ABTB2: variants seen among roughly 807,000 people sequenced by gnomAD.
ABTB2 encodes ankyrin repeat and BTB/POZ domain-containing protein 2.
Under a neutral mutation model 104.1 loss-of-function variants are expected in ABTB2, and 56 were observed. That is an observed-to-expected ratio of 0.54 (90% confidence interval 0.43 to 0.67). ABTB2 has a LOEUF of 0.67. Among genes scored for constraint, ABTB2 ranks in the 30% least tolerant of loss-of-function variants. ABTB2 has a pLI of 0.00. For missense variants in ABTB2, 1,279 were observed against 1,407.7 expected (o/e 0.91, Z 1.46); for synonymous variants, 606 against 608.2 (o/e 1.00, Z 0.05).
At chr11:34,268,865 A>T (rs1196950912) in intron 1 of ABTB2, among the ~76,000 whole-genome samples, 1 of 152,150 alleles carries the variant, frequency 6.6e-6, no homozygotes, top group African/African-American at 2.4e-5. Flanking sequence ...TCTTACTCTA[A>T]GGACACCAGG....
intron 1 of ABTB2, among the ~76,000 whole-genome samples, chr11:34,350,979 A>G (rs1394369454): frequency 6.6e-6 from 1 of 152,228 alleles, no homozygotes; most frequent in Non-Finnish European, 1.5e-5. Context: ...ACAGATGAGA[A>G]TAAGCTTGAG....
intron 1 of ABTB2, among the ~76,000 whole-genome samples, chr11:34,274,408 G>C (rs1449201618): frequency 6.6e-6 from 1 of 151,892 alleles, no homozygotes; most frequent in East Asian, 1.9e-4. Flanking sequence ...AAACCACCAG[G>C]CTGCACTCCA....
chr11:34,181,008 G>A (rs979990502), intron 3 of ABTB2, among the ~76,000 whole-genome samples: 2 of 152,170 alleles, frequency 1.3e-5, no homozygotes, highest in Non-Finnish European at 2.9e-5. Flanking sequence ...TGGTGCAAGC[G>A]ATTCTTCTGC....
chr11:34,189,311 A>T (rs1853143182), intron 3 of ABTB2: 1 of 152,176 alleles, frequency 6.6e-6, no homozygotes. Context: ...ATATATATAT[A>T]ATAAAAAATG....
At chr11:34,234,564 A>G (rs571059678) in intron 1 of ABTB2, among the ~76,000 whole-genome samples, 1 of 152,308 alleles carries the variant, frequency 6.6e-6, no homozygotes, top group African/African-American at 2.4e-5. Context: ...CCTGTGCCTC[A>G]AAGTCCAGCA....
At chr11:34,305,161 G>A (rs1854755920) in intron 1 of ABTB2, among the ~76,000 whole-genome samples, 1 of 152,222 alleles carries the variant, frequency 6.6e-6, no homozygotes, top group Admixed American at 6.5e-5. Flanking sequence ...ACTTGATCTA[G>A]AAGAGGCTCT....
At chr11:34,297,130 G>A (rs1854632193) in intron 1 of ABTB2, among the ~76,000 whole-genome samples, 1 of 152,122 alleles carries the variant, frequency 6.6e-6, no homozygotes, top group African/African-American at 2.4e-5. Flanking sequence ...TTTAGTCTTG[G>A]CACTTTCTGT....
chr11:34,328,170 G>A (rs1855092403), intron 1 of ABTB2, among the ~76,000 whole-genome samples: 1 of 152,198 alleles, frequency 6.6e-6, no homozygotes, highest in African/African-American at 2.4e-5. Context: ...AGGTTGGAAG[G>A]AGGCCCACTC....
chr11:34,191,263 T>G (rs2133032105), intron 3 of ABTB2, among the ~76,000 whole-genome samples: 1 of 152,252 alleles, frequency 6.6e-6, no homozygotes, highest in South Asian at 2.1e-4. Context: ...AGTGAGCCAG[T>G]CTCTTAAAGA....
intron 1 of ABTB2, among the ~76,000 whole-genome samples, chr11:34,269,271 C>T (rs1453617817): frequency 6.6e-6 from 1 of 152,118 alleles, no homozygotes; most frequent in Non-Finnish European, 1.5e-5. Flanking sequence ...TGGAAGCACT[C>T]GATAGGAATT....
chr11:34,322,072 CA>C (rs1855011846), intron 1 of ABTB2, among the ~76,000 whole-genome samples: 1 of 152,190 alleles, frequency 6.6e-6, no homozygotes, highest in Admixed American at 6.5e-5. Flanking sequence ...ACAGTATTGG[CA>C]GGGGTTCACA....
chr11:34,196,103 G>A (rs1483909362), intron 3 of ABTB2, among the ~76,000 whole-genome samples: 1 of 152,122 alleles, frequency 6.6e-6, no homozygotes, highest in Non-Finnish European at 1.5e-5. Flanking sequence ...CACAACTCTT[G>A]AGCCCATGGA....
intron 1 of ABTB2, among the ~76,000 whole-genome samples, chr11:34,235,225 T>C (rs1296031594): frequency 6.6e-6 from 1 of 152,192 alleles, no homozygotes; most frequent in African/African-American, 2.4e-5. Context: ...CCCTCTAAAA[T>C]GCAAGCTCTG....
At chr11:34,354,224 T>A (rs917665640) in intron 1 of ABTB2, among the ~76,000 whole-genome samples, 1 of 152,030 alleles carries the variant, frequency 6.6e-6, no homozygotes, top group African/African-American at 2.4e-5. Flanking sequence ...ACTCTGAGCA[T>A]CCGGGGAGCT....
intron 1 of ABTB2, among the ~76,000 whole-genome samples, chr11:34,261,561 G>T (rs12294737): frequency 4.0e-5 from 6 of 151,312 alleles, no homozygotes; most frequent in South Asian, 2.1e-4. Context: ...GATTACAAAA[G>T]ACAATGATTG....
chr11:34,173,473 G>A (rs1448345571), intron 3 of ABTB2, among the ~76,000 whole-genome samples, 166 bp from the exon 4 acceptor site: 49 of 152,060 alleles, frequency 3.2e-4, no homozygotes, highest in Admixed American at 3.2e-3. Flanking sequence ...TAGAGAGAGT[G>A]CTCCCTGAAG....
chr11:34,172,949 G>A (rs1156551348), intron 4 of ABTB2, among the ~76,000 whole-genome samples: 6 of 152,210 alleles, frequency 3.9e-5, no homozygotes, highest in Non-Finnish European at 5.9e-5. Context: ...TGCAGGAGAC[G>A]TTTCCAGACA....
chr11:34,214,203 G>T (rs536046412), intron 1 of ABTB2, among the ~76,000 whole-genome samples: 2 of 147,040 alleles, frequency 1.4e-5, no homozygotes, highest in East Asian at 4.0e-4. Context: ...TAAGGATGGA[G>T]ATGAAGCAGT....
intron 1 of ABTB2, among the ~76,000 whole-genome samples, chr11:34,353,381 G>GGA (rs1855423387): frequency 6.6e-6 from 1 of 152,260 alleles, no homozygotes; most frequent in East Asian, 1.9e-4. Flanking sequence ...GGGAGAGAGA[G>GGA]GAGAGAGGAG....
Sources: allele counts gnomAD v4.1 joint callset (sites outside exome capture counted in the v4.1 genomes callset), GRCh38; gene constraint gnomAD v4.1.1; transcripts MANE v1.5; gene names NCBI Gene and HGNC (gene_info 2026-07-23, HGNC 2026-07-21).